RP1: variants seen among roughly 807,000 people sequenced by gnomAD.
RP1 encodes oxygen-regulated protein 1.
A neutral mutation model predicts 14.8 loss-of-function variants in RP1; 16 were observed. The observed-to-expected ratio is 1.08, with a 90% CI of 0.73 to 1.65. The LOEUF is 1.65. Among genes scored for constraint, RP1 ranks in the 40% most tolerant of loss-of-function variants. RP1 has a pLI of 0.00. For synonymous variants in RP1, 876 were observed against 883.6 expected (o/e 0.99, Z 0.15); for missense variants, 2,631 against 2,535.0 (o/e 1.04, Z -0.81).
chr8:54,864,869 G>A (rs1017319631), intron 27 of RP1, among the ~76,000 whole-genome samples: 4 of 152,102 alleles, frequency 2.6e-5, no homozygotes, highest in African/African-American at 9.7e-5. Context: ...TTTATTACCA[G>A]CTTCTGGATT....
chr8:54,586,345 C>A (rs914509648), intron 1 of RP1, among the ~76,000 whole-genome samples: 1 of 152,186 alleles, frequency 6.6e-6, no homozygotes, highest in African/African-American at 2.4e-5. Flanking sequence ...ACTGCCTGAT[C>A]CTTCCTCTGG....
intron 19 of RP1, among the ~76,000 whole-genome samples, chr8:54,744,916 A>G (rs1219441521): frequency 6.6e-6 from 1 of 152,190 alleles, no homozygotes; most frequent in East Asian, 1.9e-4. Flanking sequence ...TTAAATACAT[A>G]GATTTCAGTG....
intron 19 of RP1, among the ~76,000 whole-genome samples, chr8:54,741,381 C>T (rs1304633030): frequency 1.3e-5 from 2 of 151,936 alleles, no homozygotes; most frequent in Non-Finnish European, 2.9e-5. Context: ...ATCTTTCATG[C>T]TCTATTTTTA....
intron 6 of RP1, among the ~76,000 whole-genome samples, chr8:54,662,659 G>A (rs756347284): frequency 2.6e-5 from 4 of 152,066 alleles, no homozygotes; most frequent in Non-Finnish European, 5.9e-5. Flanking sequence ...GGCTTCTACC[G>A]AGCCCCCATA....
intron 24 of RP1, among the ~76,000 whole-genome samples, chr8:54,796,445 A>C (rs1204301353): frequency 6.6e-6 from 1 of 152,212 alleles, no homozygotes; most frequent in African/African-American, 2.4e-5. Flanking sequence ...ATACCTGTGA[A>C]TATGACCTTA....
At chr8:54,646,667 G>A (rs1463085147) in intron 3 of RP1, among the ~76,000 whole-genome samples, 1 of 152,082 alleles carries the variant, frequency 6.6e-6, no homozygotes, top group Admixed American at 6.6e-5. Context: ...AATGATTTAG[G>A]GAGGTGCAAA....
At position 54,760,167 on chromosome 8, in the gene RP1, C is replaced by A. The variant is rs138732387; in HGVS notation, c.3248+1091C>A. Among the ~76,000 whole-genome samples, 4 of 152,300 alleles carry A rather than the reference C, an allele frequency of 2.6e-5. No individual in the cohort carries two copies. The East Asian group carries it at 7.7e-4, about 29-fold the overall frequency. On this transcript the variant is annotated intron_variant, in intron 22 of 22. Coordinates refer to the RP1 transcript ENST00000636932. ...AAGCGGTGAGATCAACAGTAGCCCT[C>A]GTCTTTTTTGCCTTTTAGTCATTAA...
chr8:54,844,913 G>C (rs772824479), intron 25 of RP1, among the ~76,000 whole-genome samples: 5 of 152,158 alleles, frequency 3.3e-5, no homozygotes, highest in African/African-American at 4.8e-5. Flanking sequence ...CATTCTAAAT[G>C]AATTCTCTTA....
chr8:54,757,330 T>C (rs2129368271), intron 21 of RP1, among the ~76,000 whole-genome samples: 1 of 152,336 alleles, frequency 6.6e-6, no homozygotes, highest in Admixed American at 6.5e-5. Context: ...AACCTAAAAT[T>C]ACTTTAAGAT....
At chr8:54,670,523 G>GTATGTATATGTA (rs1554522872) in intron 7 of RP1, among the ~76,000 whole-genome samples, 1 of 32,598 alleles carries the variant, frequency 3.1e-5, no homozygotes, top group Non-Finnish European at 8.0e-5. Flanking sequence ...ATATGTATGT[G>GTATGTATATGTA]TATATATATA....
Position 54,698,382 on chromosome 8 carries a change from A to G in RP1, c.1718-1085A>G, listed in dbSNP as rs899455665. On this transcript the variant is annotated intron_variant, in intron 12 of 22. Transcript: ENST00000636932. ...GAATGACGATCATTAAAATGTCAGGAAACAACAGATACTGGAGAGGATGTG... is the reference window on the plus strand; with the variant it reads ...GAATGACGATCATTAAAATGTCAGGGAACAACAGATACTGGAGAGGATGTG... 5.9e-5 allele frequency among the ~76,000 whole-genome samples: 9 copies of G among 152,312 alleles called. No homozygotes were observed. In the East Asian group the frequency reaches 1.7e-3, roughly 29 times the overall value.
chr8:54,768,570 G>A (rs1233457771), intron 22 of RP1, among the ~76,000 whole-genome samples: 4 of 152,096 alleles, frequency 2.6e-5, no homozygotes, highest in Non-Finnish European at 4.4e-5. Context: ...AGCAATAACC[G>A]TGGTTTTTGT....
intron 24 of RP1, among the ~76,000 whole-genome samples, chr8:54,819,263 C>T (rs1300068982): frequency 1.3e-5 from 2 of 151,854 alleles, no homozygotes; most frequent in African/African-American, 4.8e-5. Flanking sequence ...ATGCATTTTT[C>T]AGTATGCCAC....
Position 54,628,244 on chromosome 8 carries a change from C to G in RP1, c.4362C>G (p.Ser1454Arg). 6.2e-7 allele frequency: 1 copy of G among 1,613,950 alleles called. No homozygotes were observed. The highest frequency in any genetic ancestry group is 8.5e-7 in the Non-Finnish European group (1 of 1,179,924). The change falls in exon 4 of 4, where the codon AGC becomes AGG. Residue 1454 changes from serine (S) to arginine (R), a missense_variant. By Grantham distance (110) the Ser-to-Arg change is moderately radical (BLOSUM62 -1). Coordinates refer to ENST00000220676, the MANE Select transcript of RP1 (RefSeq NM_006269.2). ...TSEEPGSITN[S>R]MTSSERNISE... is the part of the protein sequence containing the mutation. ...AAGAACCAGGCTCAATAACCAACAG[C>G]ATGACATCAAGTGAAAGAAACATTT...
At chr8:54,654,950 A>T (rs904482290) in intron 5 of RP1, among the ~76,000 whole-genome samples, 2 of 152,116 alleles carry the variant, frequency 1.3e-5, no homozygotes, top group Non-Finnish European at 2.9e-5. Context: ...CCTGGGTGAA[A>T]ATCTGCCTTT....
intron 5 of RP1, chr8:54,652,929 C>A: frequency 2.6e-6 from 3 of 1,151,518 alleles, no homozygotes; most frequent in Middle Eastern, 1.9e-4. Flanking sequence ...TCTCAGGAGT[C>A]AACTCATCAT....
chr8:54,746,030 G>A (rs964564673), intron 19 of RP1, among the ~76,000 whole-genome samples: 1 of 152,144 alleles, frequency 6.6e-6, no homozygotes, highest in African/African-American at 2.4e-5. Context: ...TGCCTTTTGT[G>A]GACTTGGAAA....
chr8:54,733,951 G>A (rs1808852006), intron 17 of RP1, among the ~76,000 whole-genome samples: 1 of 152,144 alleles, frequency 6.6e-6, no homozygotes, highest in African/African-American at 2.4e-5. Context: ...TGAAACACAA[G>A]TGCTTTGCAT....
At chr8:54,812,381 T>G (rs893570159) in intron 24 of RP1, among the ~76,000 whole-genome samples, 1 of 152,214 alleles carries the variant, frequency 6.6e-6, no homozygotes, top group Admixed American at 6.5e-5. Context: ...CTTCAAATTC[T>G]CCACCCACCT....
Sources: gnomAD v4.1 joint callset for allele counts (sites outside exome capture counted in the v4.1 genomes callset) on GRCh38, gnomAD v4.1.1 for gene constraint, MANE v1.5 for transcripts, NCBI Gene and HGNC (gene_info 2026-07-23, HGNC 2026-07-21) for gene names.